Variants in TTYH2 observed in about 807,000 individuals in gnomAD.
TTYH2 encodes the protein tweety family member 2.
A neutral mutation model predicts 68.3 loss-of-function variants in TTYH2; 49 were observed. That is an observed-to-expected ratio of 0.72 (90% CI 0.57 to 0.91). TTYH2 has a LOEUF of 0.91. Ranked by LOEUF, TTYH2 falls within the 40% of genes least tolerant of loss-of-function variation. The probability of loss-of-function intolerance (pLI) is 0.00; values close to 1 mark genes in which losing one functional copy is unlikely to be tolerated. For missense variants in TTYH2, 631 were observed against 700.4 expected, an observed-to-expected ratio of 0.90 and a Z score of 1.12; for synonymous variants, 272 against 300.8, an observed-to-expected ratio of 0.90 and a Z score of 0.99.
In TTYH2 at chr17:74,241,552, G is replaced by T. The variant is rs1270427234; in HGVS notation, c.636-1822G>T. Among the ~76,000 whole-genome samples the T allele has an allele frequency of 6.6e-6, 1 of 152,126 alleles. No homozygotes were observed. Among genetic ancestry groups the T allele is most frequent in the African/African-American group, 2.4e-5 (1 of 41,424 alleles). ...GGGGAGTCAGAAAGAACCTCCCTTGGCTGCCAGGCCTCCAGCTTGCTCCCT... is the reference window on the plus strand; with the variant it reads ...GGGGAGTCAGAAAGAACCTCCCTTGTCTGCCAGGCCTCCAGCTTGCTCCCT... On this transcript the variant is annotated intron_variant, in intron 4 of 13. Coordinates refer to ENST00000269346, the MANE Select transcript of TTYH2 (RefSeq NM_032646.6). The surrounding 1 kb of genome is among the most constrained non-coding windows in gnomAD (Gnocchi z 4.1).
chr17:74,216,327 G>A (rs1007947602), intron 1 of TTYH2, among the ~76,000 whole-genome samples: 19 of 152,272 alleles, frequency 1.2e-4, no homozygotes, highest in Non-Finnish European at 1.9e-4. Context: ...TGTGGGGTGT[G>A]GGGGGTGGGT....
chr17:74,228,186 G>A (rs2050351449), intron 2 of TTYH2, among the ~76,000 whole-genome samples: 1 of 152,040 alleles, frequency 6.6e-6, no homozygotes, highest in Non-Finnish European at 1.5e-5. Flanking sequence ...GTTTCGCCAT[G>A]TTGGCCAGGC....
intron 7 of TTYH2, 126 bp from the exon 8 acceptor site, chr17:74,249,218 T>G: frequency 6.4e-7 from 1 of 1,564,178 alleles, no homozygotes. Flanking sequence ...CTCTAGGCCA[T>G]TTCCTAGAAA....
intron 2 of TTYH2, among the ~76,000 whole-genome samples, chr17:74,225,025 TAAG>T (rs1487234456): frequency 2.0e-5 from 3 of 147,868 alleles, no homozygotes; most frequent in African/African-American, 7.6e-5. Context: ...ACCAAAAAAC[TAAG>T]GAGAGAGCTC....
chr17:74,227,070 G>A (rs1187748859), intron 2 of TTYH2, among the ~76,000 whole-genome samples: 1 of 152,080 alleles, frequency 6.6e-6, no homozygotes, highest in Non-Finnish European at 1.5e-5. Context: ...TGCCTCCCAG[G>A]TTCAAGAGAT....
chr17:74,233,505 G>A (rs937350656), intron 3 of TTYH2, among the ~76,000 whole-genome samples: 27 of 152,204 alleles, frequency 1.8e-4, no homozygotes, highest in African/African-American at 6.3e-4. Flanking sequence ...GATCCAGGAC[G>A]CTGTGGGCGG....
At chr17:74,249,729 A>G (rs1424488074) in intron 8 of TTYH2, among the ~76,000 whole-genome samples, 1 of 150,892 alleles carries the variant, frequency 6.6e-6, no homozygotes, top group Non-Finnish European at 1.5e-5. Flanking sequence ...AAGCAGGGAG[A>G]AGACTGTGCA....
At chr17:74,255,497 G>C (rs2050684720) in intron 13 of TTYH2, among the ~76,000 whole-genome samples, 1 of 151,590 alleles carries the variant, frequency 6.6e-6, no homozygotes, top group Non-Finnish European at 1.5e-5. Flanking sequence ...TTCTGCCCAG[G>C]CTGGAGTGCA....
Position 74,213,692 on chromosome 17 carries a change from C to A in TTYH2, c.105C>A (p.Ser35Arg), listed in dbSNP as rs770661509. Residue 35 changes from serine to arginine, a missense_variant, in exon 1 of 14, where the codon AGC (serine) becomes AGA (arginine). Transcript: ENST00000269346. This position sits in a 1 kb window ranked among gnomAD's most constrained non-coding sequence, Gnocchi z 6.1. ...TGCAGCCCGTGAACAGCACCTTCAG[C>A]CCCGGCGACGAGAGTTACCAGGAGG... ...LRLQPVNSTF[S>R]PGDESYQESL... 4.3e-6 allele frequency: 7 copies of A among 1,612,530 alleles called. No homozygotes were observed. Among genetic ancestry groups the A allele is most frequent in the East Asian group, 2.2e-5 (1 of 44,806 alleles).
chr17:74,249,400 G>A lies in TTYH2; in HGVS notation c.930+1G>A. 6.2e-7 allele frequency: 1 copy of A among 1,613,812 alleles called. No individual in the cohort carries two copies. Among genetic ancestry groups the A allele is most frequent in the Non-Finnish European group, 8.5e-7 (1 of 1,180,014 alleles). On this transcript the variant is annotated splice_donor_variant, in intron 8 of 13. Transcript: ENST00000269346. LOFTEE classifies it high-confidence loss of function. The stretch of plus-strand genomic sequence containing the variant: ...GAGTGGAAGCAGCCCCTTCCAGCAG[G>A]TATGGCCCCCCGAGGCCTGCCCTCA...
At chr17:74,234,912 T>C (rs2050427558) in intron 3 of TTYH2, among the ~76,000 whole-genome samples, 1 of 152,224 alleles carries the variant, frequency 6.6e-6, no homozygotes, top group African/African-American at 2.4e-5. Context: ...ATTTATCTTA[T>C]TAAATTGAAC....
At chr17:74,259,437 A>G (rs1264480975) in intron 13 of TTYH2, among the ~76,000 whole-genome samples, 4 of 151,682 alleles carry the variant, frequency 2.6e-5, no homozygotes, top group Non-Finnish European at 5.9e-5. Flanking sequence ...CTGGTCTCGA[A>G]CTCCTGGGCT....
intron 6 of TTYH2, among the ~76,000 whole-genome samples, chr17:74,247,725 C>T (rs1375173330): frequency 1.3e-5 from 2 of 152,216 alleles, no homozygotes; most frequent in Non-Finnish European, 2.9e-5. Flanking sequence ...GGTGGGGGCA[C>T]ACCACCAGGC....
chr17:74,220,316 GAAA>G (rs2050263433), intron 1 of TTYH2, among the ~76,000 whole-genome samples: 1 of 152,202 alleles, frequency 6.6e-6, no homozygotes, highest in African/African-American at 2.4e-5. Context: ...TAAGCTACTG[GAAA>G]AAGTTTGAGA....
rs2050643956 is a variant in TTYH2 at position 74,252,492 on chromosome 17, A to G, written c.1259+116A>G. 3.1e-6 allele frequency: 4 copies of G among 1,293,174 alleles called. No individual in the cohort carries two copies. In the South Asian group the frequency reaches 6.0e-5, roughly 19 times the overall value. The allele number at this position is 1,293,174 out of a possible 1,614,324, so 80.1% of individuals were successfully genotyped here. On this transcript the variant is annotated intron_variant, in intron 11 of 13. Transcript: ENST00000269346. The stretch of plus-strand genomic sequence containing the variant: ...AACCCAGGACTGAGGAGGGCAGCAG[A>G]GGGCCCGGGCATTCAGCCCAACAGG...
In TTYH2 at chr17:74,214,789, G is replaced by A. The variant is rs770528910; in HGVS notation, c.129+1073G>A. ...CCATCTCAGGACTTTGGCCCCCGGC[G>A]GCCTCTCCCTGTGTCAAGTTCTCCA... On this transcript the variant is annotated intron_variant, in intron 1 of 13. Transcript: ENST00000269346. This position sits in a 1 kb window ranked among gnomAD's most constrained non-coding sequence, Gnocchi z 4.6. Among the ~76,000 whole-genome samples, 1 of 152,180 alleles carries A rather than the reference G, an allele frequency of 6.6e-6. No individual in the cohort carries two copies. Among genetic ancestry groups the A allele is most frequent in the Non-Finnish European group, 1.5e-5 (1 of 68,026 alleles).
intron 1 of TTYH2, among the ~76,000 whole-genome samples, chr17:74,219,881 G>T (rs1401532789): frequency 6.6e-6 from 1 of 151,840 alleles, no homozygotes; most frequent in Non-Finnish European, 1.5e-5. Flanking sequence ...GAACATTTGT[G>T]TATCTTCTGA....
chr17:74,233,312 G>A (rs1454137771), intron 3 of TTYH2, among the ~76,000 whole-genome samples: 1 of 152,198 alleles, frequency 6.6e-6, no homozygotes, highest in African/African-American at 2.4e-5. Context: ...CAGGGCTCCA[G>A]GGGAGGCAGC....
chr17:74,229,967 C>T (rs1598218272), intron 2 of TTYH2, among the ~76,000 whole-genome samples: 1 of 152,262 alleles, frequency 6.6e-6, no homozygotes, highest in Middle Eastern at 3.4e-3. Context: ...CTCCTTTCTA[C>T]TAATAATACA....
Sources: allele counts gnomAD v4.1 joint callset (sites outside exome capture counted in the v4.1 genomes callset), GRCh38; gene constraint gnomAD v4.1.1; non-coding constraint Gnocchi (gnomAD v3.1); transcripts MANE v1.5; gene names NCBI Gene and HGNC (gene_info 2026-07-23, HGNC 2026-07-21).